RARB: variants seen among roughly 807,000 people sequenced by gnomAD.
RARB encodes retinoic acid receptor beta.
In RARB, 17 loss-of-function variants were observed where a neutral mutation model predicts 51.9. The observed-to-expected ratio is 0.33, with a 90% CI of 0.22 to 0.49. The LOEUF (loss-of-function observed/expected upper bound fraction) is 0.49. Ranked by LOEUF, RARB falls within the 20% of genes least tolerant of loss-of-function variation. The pLI is 0.99. For missense variants in RARB, 369 were observed against 550.8 expected (o/e 0.67, Z 3.30); for synonymous variants, 215 against 195.4 (o/e 1.10, Z -0.84).
chr3:24,925,773 T>G (rs901826192), intron 2 of RARB, among the ~76,000 whole-genome samples: 6 of 152,006 alleles, frequency 3.9e-5, no homozygotes, highest in Non-Finnish European at 8.8e-5. Context: ...TTCACAACTT[T>G]CAATAGCTTA....
In RARB at chr3:25,201,745, G is replaced by A. The variant is rs139230621; in HGVS notation, c.178+27170G>A. ...TGCTGGATTATGTTTATTGGTTTTC[G>A]TATGTTGAACCAGCCTTGCATCCCA... On this transcript the variant is annotated intron_variant, in intron 5 of 11. Coordinates refer to the RARB transcript ENST00000383772. 6.3e-3 allele frequency among the ~76,000 whole-genome samples: 956 copies of A among 152,158 alleles called. 18 individuals carry two copies. Among genetic ancestry groups the A allele is most frequent in the East Asian group, 0.03 (155 of 5,174 alleles).
intron 2 of RARB, among the ~76,000 whole-genome samples, chr3:24,942,545 G>A (rs1227941620): frequency 6.6e-6 from 1 of 152,140 alleles, no homozygotes; most frequent in Non-Finnish European, 1.5e-5. Context: ...AAGAACTTGA[G>A]CACAGAATGA....
At chr3:25,272,448 G>A (rs1363705367) in intron 5 of RARB, among the ~76,000 whole-genome samples, 1 of 152,180 alleles carries the variant, frequency 6.6e-6, no homozygotes, top group Admixed American at 6.6e-5. Context: ...GGATGGACCC[G>A]GACATGGTAG....
chr3:25,281,344 G>C (rs944020833), intron 5 of RARB, among the ~76,000 whole-genome samples: 4 of 152,130 alleles, frequency 2.6e-5, no homozygotes, highest in Non-Finnish European at 5.9e-5. Context: ...GCTTATGATG[G>C]GTTAATAATT....
intron 5 of RARB, among the ~76,000 whole-genome samples, chr3:25,303,781 C>T (rs1034130991): frequency 3.3e-5 from 5 of 152,196 alleles, no homozygotes; most frequent in African/African-American, 1.2e-4. Flanking sequence ...CACCGTAGAG[C>T]CACAGCCAGC....
chr3:24,991,443 C>CAAAA (rs371185277), intron 2 of RARB, among the ~76,000 whole-genome samples: 10 of 138,764 alleles, frequency 7.2e-5, no homozygotes, highest in Non-Finnish European at 1.4e-4. Flanking sequence ...AACTCTGTCT[C>CAAAA]AAAAAAAAAA....
intron 2 of RARB, among the ~76,000 whole-genome samples, chr3:25,485,820 C>G (rs1249014016): frequency 6.6e-6 from 1 of 152,174 alleles, no homozygotes; most frequent in African/African-American, 2.4e-5. Flanking sequence ...TTCCTGGCTG[C>G]TGCTCCTCTC....
At chr3:24,982,586 A>G (rs1337973578) in intron 2 of RARB, among the ~76,000 whole-genome samples, 1 of 152,162 alleles carries the variant, frequency 6.6e-6, no homozygotes, top group Non-Finnish European at 1.5e-5. Flanking sequence ...TACCTGAGTA[A>G]TACTTTCTTC....
chr3:25,365,863 C>T (rs959550774), intron 5 of RARB, among the ~76,000 whole-genome samples: 2 of 152,146 alleles, frequency 1.3e-5, no homozygotes, highest in African/African-American at 4.8e-5. Flanking sequence ...CTTTTTGTGA[C>T]CTAATGTCAG....
chr3:25,543,821 A>G (rs1008685305), intron 3 of RARB, among the ~76,000 whole-genome samples: 5 of 152,202 alleles, frequency 3.3e-5, no homozygotes, highest in Non-Finnish European at 7.3e-5. Context: ...CACCCCCATG[A>G]TCTTCAATGA....
chr3:24,961,908 C>A (rs1696148188), intron 2 of RARB, among the ~76,000 whole-genome samples: 1 of 145,958 alleles, frequency 6.9e-6, no homozygotes. Flanking sequence ...CTTAGTGTTC[C>A]CTTTGGGTGT....
intron 5 of RARB, among the ~76,000 whole-genome samples, chr3:25,336,364 C>T (rs924843123): frequency 6.6e-6 from 1 of 152,164 alleles, no homozygotes; most frequent in Non-Finnish European, 1.5e-5. Context: ...CAGATAACTT[C>T]AGTACTTACT....
Position 25,299,004 on chromosome 3 carries a change from T to C in RARB, c.178+124429T>C, listed in dbSNP as rs139983352. On this transcript the variant is annotated intron_variant, in intron 5 of 11. Coordinates refer to the RARB transcript ENST00000383772. ...GGGGTCACTGTTCACATCACAGATA[T>C]CATAGACTTGCATAGTTATTTAAAC... Among the ~76,000 whole-genome samples, 760 of 152,308 alleles carry C rather than the reference T, an allele frequency of 5.0e-3. 7 individuals are homozygous for C. The highest frequency in any genetic ancestry group is 7.0e-3 in the Non-Finnish European group (475 of 68,030).
At chr3:25,554,883 A>T (rs1212362045) in intron 3 of RARB, among the ~76,000 whole-genome samples, 1 of 152,148 alleles carries the variant, frequency 6.6e-6, no homozygotes, top group Non-Finnish European at 1.5e-5. Flanking sequence ...TTAACATGCC[A>T]GCCCACGTCT....
chr3:25,205,661 A>T (rs570721767), intron 5 of RARB, among the ~76,000 whole-genome samples: 70 of 152,268 alleles, frequency 4.6e-4, no homozygotes, highest in South Asian at 1.4e-3. Context: ...CTGTATGCCC[A>T]TATCAAAATT....
chr3:25,596,791 C>CCTAGAAATACAAACTTTT lies in RARB; in HGVS notation c.*177_*194dup, dbSNP rs1701855153. ...TATATACTCCTCACTGTGTAACTTACCTAGAAATACAAACTTTTCCAATTT... is the reference window on the plus strand; with the variant it reads ...TATATACTCCTCACTGTGTAACTTACCTAGAAATACAAACTTTTCTAGAAATACAAACTTTTCCAATTT... On this transcript the variant is annotated 3_prime_UTR_variant, in exon 8 of 8. Transcript: ENST00000330688. 2.2e-6 allele frequency: 1 copy of CCTAGAAATACAAACTTTT among 454,432 alleles called. No homozygotes were observed. Among genetic ancestry groups the CCTAGAAATACAAACTTTT allele is most frequent in the African/African-American group, 2.0e-5 (1 of 49,852 alleles). The allele number at this position is 454,432 out of a possible 1,614,324, so 28.1% of individuals were successfully genotyped here.
At chr3:25,336,498 T>C (rs2125448189) in intron 5 of RARB, among the ~76,000 whole-genome samples, 1 of 152,332 alleles carries the variant, frequency 6.6e-6, no homozygotes, top group East Asian at 1.9e-4. Flanking sequence ...TTAAACCTCT[T>C]GTGGGCAAAA....
At chr3:24,853,311 T>C (rs998146404) in intron 1 of RARB, among the ~76,000 whole-genome samples, 1 of 152,134 alleles carries the variant, frequency 6.6e-6, no homozygotes, top group Non-Finnish European at 1.5e-5. Flanking sequence ...AGTGAGACTC[T>C]ATCTTAAAAT....
At chr3:25,459,077 G>T (rs1322156145) in intron 1 of RARB, among the ~76,000 whole-genome samples, 1 of 152,180 alleles carries the variant, frequency 6.6e-6, no homozygotes, top group African/African-American at 2.4e-5. Flanking sequence ...GGGGATGGCA[G>T]ATGTAGAATA....
Sources: allele counts gnomAD v4.1 joint callset (sites outside exome capture counted in the v4.1 genomes callset), GRCh38; gene constraint gnomAD v4.1.1; transcripts MANE v1.5; gene names NCBI Gene and HGNC (gene_info 2026-07-23, HGNC 2026-07-21).